Variants in ANPEP observed in about 807,000 individuals in gnomAD.
ANPEP encodes aminopeptidase N.
Under a neutral mutation model 114.6 loss-of-function variants are expected in ANPEP, and 70 were observed. The observed-to-expected ratio is 0.61, with a 90% CI of 0.50 to 0.75. ANPEP has a LOEUF of 0.75. Among genes scored for constraint, ANPEP ranks in the 30% least tolerant of loss-of-function variants. ANPEP has a pLI of 0.00. For missense variants in ANPEP, 1,184 were observed against 1,259.5 expected, an observed-to-expected ratio of 0.94 and a Z score of 0.91; for synonymous variants, 548 against 522.3, an observed-to-expected ratio of 1.05 and a Z score of -0.67.
At chr15:89,795,632 T>C (rs1968713700) in intron 15 of ANPEP, among the ~76,000 whole-genome samples, 1 of 152,178 alleles carries the variant, frequency 6.6e-6, no homozygotes, top group Non-Finnish European at 1.5e-5. Flanking sequence ...AGCAAGACCT[T>C]AAACATTCAG....
At position 89,805,960 on chromosome 15, in the gene ANPEP, C is replaced by G; in HGVS notation, c.614+10G>C. ...GATCCACCCCACCGGGCAGCCCAGC[C>G]GGAACTCACTTTCTGACATTGCCCT... On this transcript the variant is annotated intron_variant, in intron 2 of 20. Coordinates refer to ENST00000300060, the MANE Select transcript of ANPEP (RefSeq NM_001150.3). 5 of 1,575,550 alleles carry G rather than the reference C, an allele frequency of 3.2e-6. No individual in the cohort carries two copies. The highest frequency in any genetic ancestry group is 4.3e-6 in the Non-Finnish European group (5 of 1,156,556).
At chr15:89,797,744 CA>C in intron 14 of ANPEP, 22 bp from the exon 15 acceptor site, 11 of 1,613,414 alleles carry the variant, frequency 6.8e-6, no homozygotes, top group Non-Finnish European at 9.3e-6. Flanking sequence ...CAGAGGGGCC[CA>C]AGTAAAGCAC....
At chr15:89,791,208 G>A in intron 18 of ANPEP, 115 bp from the exon 19 acceptor site, 1 of 1,240,046 alleles carries the variant, frequency 8.1e-7, no homozygotes, top group East Asian at 2.4e-5. Flanking sequence ...CCCTCGGCCT[G>A]CCAGGGGCTG....
chr15:89,808,179 C>T (rs866919560), intron 1 of ANPEP, among the ~76,000 whole-genome samples: 1 of 152,214 alleles, frequency 6.6e-6, no homozygotes, highest in Admixed American at 6.5e-5. Flanking sequence ...GCCACTCTGG[C>T]CTTCATCAAG....
chr15:89,810,670 C>T (rs898845673), intron 1 of ANPEP, among the ~76,000 whole-genome samples: 1 of 152,216 alleles, frequency 6.6e-6, no homozygotes, highest in Non-Finnish European at 1.5e-5. Context: ...CTGGTGGCAT[C>T]GTATGCCCCT....
chr15:89,785,519 G>A lies in ANPEP; in HGVS notation c.2752-18C>T, dbSNP rs1329020128. 1 of 1,605,460 alleles carries A rather than the reference G, an allele frequency of 6.2e-7. No individual in the cohort carries two copies. The highest frequency in any genetic ancestry group is 2.2e-5 in the East Asian group (1 of 44,860). On this transcript the variant is annotated intron_variant, in intron 20 of 20. Coordinates refer to ENST00000300060, the MANE Select transcript of ANPEP (RefSeq NM_001150.3). ...TGCTCCAGCTGCCAGAAAAACAAAA[G>A]ATTCTCAGTCCGGCTGGGTCCCTAA...
intron 1 of ANPEP, among the ~76,000 whole-genome samples, chr15:89,811,154 G>C (rs973099616): frequency 9.2e-5 from 14 of 152,206 alleles, no homozygotes; most frequent in African/African-American, 2.7e-4. Context: ...CTTGATCCTC[G>C]GGACAGGTTC....
At chr15:89,796,211 G>A (rs1480880006) in intron 15 of ANPEP, among the ~76,000 whole-genome samples, 3 of 152,182 alleles carry the variant, frequency 2.0e-5, no homozygotes, top group Non-Finnish European at 4.4e-5. Context: ...GTGAGACCTT[G>A]TCTCTAAACA....
At position 89,803,379 on chromosome 15, in the gene ANPEP, G is replaced by A. The variant is rs1283406030; in HGVS notation, c.1503+63C>T. On this transcript the variant is annotated intron_variant, in intron 9 of 20. Coordinates refer to ENST00000300060, the MANE Select transcript of ANPEP (RefSeq NM_001150.3). The surrounding 1 kb of genome is among the most constrained non-coding windows in gnomAD (Gnocchi z 4.2). ...CCCCCTCTGTGGTGGGCAGAGGCCC[G>A]GGTCAAGGGCGAGGGGCAGAAGGAG... is the stretch of plus-strand genomic sequence containing the variant. 7 of 1,612,896 alleles carry A rather than the reference G, an allele frequency of 4.3e-6. No homozygotes were observed. In the African/African-American group the frequency reaches 6.7e-5, roughly 15 times the overall value.
At position 89,797,567 on chromosome 15, in the gene ANPEP, C is replaced by T; in HGVS notation, c.2157+8G>A. On this transcript the variant is annotated splice_region_variant and intron_variant, in intron 15 of 20. Transcript: ENST00000300060. ...CTGGTTCTTGAACCCTACCATGCACCTCCGTACCTTCATGGGGCCATAGAC... is the reference window on the plus strand; with the variant it reads ...CTGGTTCTTGAACCCTACCATGCACTTCCGTACCTTCATGGGGCCATAGAC... 6.2e-7 allele frequency: 1 copy of T among 1,611,676 alleles called. No individual in the cohort carries two copies. The highest frequency in any genetic ancestry group is 1.1e-5 in the South Asian group (1 of 90,928).
chr15:89,812,298 T>C (rs1192052646), intron 1 of ANPEP, among the ~76,000 whole-genome samples: 1 of 152,216 alleles, frequency 6.6e-6, no homozygotes, highest in Non-Finnish European at 1.5e-5. Context: ...AGGGACAACC[T>C]GGGGCTCATT....
At chr15:89,809,428 G>A (rs1275887750) in intron 1 of ANPEP, among the ~76,000 whole-genome samples, 1 of 152,208 alleles carries the variant, frequency 6.6e-6, no homozygotes, top group Admixed American at 6.5e-5. Flanking sequence ...CAGCTGGCTG[G>A]AATCTTTACT....
rs183547095 is a variant in ANPEP, at chr15:89,803,184, T to C, written c.1569+55A>G. The C allele has an allele frequency of 5.5e-5, 86 of 1,576,480 alleles. No individual in the cohort carries two copies. The African/African-American group carries it at 1.0e-3, about 19-fold the overall frequency. ...TACGCATGTGCTGCCCCCAGGTACC[T>C]TCAGCATCTCAAGACCCCAACAGGA... On this transcript the variant is annotated intron_variant, in intron 10 of 20. Transcript: ENST00000300060. The surrounding 1 kb of genome is among the most constrained non-coding windows in gnomAD (Gnocchi z 4.2).
At chr15:89,797,824 C>G (rs947147913) in intron 14 of ANPEP, 102 bp from the exon 15 acceptor site, 74 of 1,473,966 alleles carry the variant, frequency 5.0e-5, no homozygotes, top group Non-Finnish European at 6.5e-5. Context: ...CACCCCTAGG[C>G]CCCCTGTATC....
chr15:89,785,319 TG>T lies in ANPEP; in HGVS notation c.*29del. On this transcript the variant is annotated 3_prime_UTR_variant, in exon 21 of 21. Coordinates refer to ENST00000300060, the MANE Select transcript of ANPEP (RefSeq NM_001150.3). ...GATGGACACATGTGGGCACCTTGCA[TG>T]GGGGCCGGGTGACTTCAAGGGCTGG... is the stretch of plus-strand genomic sequence containing the variant. 1 of 1,612,756 alleles carries T rather than the reference TG, an allele frequency of 6.2e-7. No individual in the cohort carries two copies. The highest frequency in any genetic ancestry group is 8.5e-7 in the Non-Finnish European group (1 of 1,179,524).
rs536327465 is a variant in ANPEP, at chr15:89,804,061, A to AG, written c.1180-60dup. On this transcript the variant is annotated intron_variant, in intron 6 of 20. Coordinates refer to ENST00000300060, the MANE Select transcript of ANPEP (RefSeq NM_001150.3). ...CCCAGGCTGGGCACTGAGAATCCCC[A>AG]GAACTACCCTCCCCAGGGCTGGCCA... 55 of 1,588,804 alleles carry AG rather than the reference A, an allele frequency of 3.5e-5. No individual in the cohort carries two copies. In the South Asian group the frequency reaches 4.5e-4, roughly 13 times the overall value.
At chr15:89,786,692 CAAA>C (rs113402047) in intron 20 of ANPEP, among the ~76,000 whole-genome samples, 2 of 119,178 alleles carry the variant, frequency 1.7e-5, no homozygotes. Context: ...GACCCTTTCT[CAAA>C]AAAAAAAAAA....
At chr15:89,793,427 G>A (rs535146901) in intron 15 of ANPEP, among the ~76,000 whole-genome samples, 8 of 152,184 alleles carry the variant, frequency 5.3e-5, no homozygotes, top group South Asian at 2.1e-4. Flanking sequence ...GTTGCTGGGC[G>A]CAGTGGCTCA....
intron 1 of ANPEP, among the ~76,000 whole-genome samples, chr15:89,808,621 CAGA>C (rs1272911452): frequency 5.9e-5 from 9 of 152,320 alleles, no homozygotes; most frequent in South Asian, 4.1e-4. Context: ...CACCTGCCCC[CAGA>C]AGAAGTGCCT....
Sources: gnomAD v4.1 joint callset for allele counts (sites outside exome capture counted in the v4.1 genomes callset) on GRCh38, gnomAD v4.1.1 for gene constraint, Gnocchi (gnomAD v3.1) non-coding constraint, MANE v1.5 for transcripts, NCBI Gene and HGNC (gene_info 2026-07-23, HGNC 2026-07-21) for gene names.